DPP6: variants seen among roughly 807,000 people sequenced by gnomAD.
The protein encoded by DPP6 is A-type potassium channel modulatory protein DPP6.
In DPP6, 69 loss-of-function variants were observed where a neutral mutation model predicts 122.6. That is an observed-to-expected ratio of 0.56 (90% confidence interval 0.46 to 0.69). The LOEUF (loss-of-function observed/expected upper bound fraction) is 0.69, where lower values mean the gene tolerates loss of function less well. DPP6 is among the 30% of genes least tolerant of loss of function. The pLI is 0.00. For synonymous variants in DPP6, 418 were observed against 433.1 expected, an observed-to-expected ratio of 0.97 and a Z score of 0.43; for missense variants, 928 against 1,116.9, an observed-to-expected ratio of 0.83 and a Z score of 2.41.
intron 25 of DPP6, chr7:154,891,284 ATG>A (rs1349300893): frequency 1.3e-5 from 2 of 152,164 alleles, no homozygotes; most frequent in Non-Finnish European, 2.9e-5. Flanking sequence ...ACGTGCACAG[ATG>A]GTTCACGGTG....
At chr7:154,032,277 G>A (rs1799283837) in intron 1 of DPP6, among the ~76,000 whole-genome samples, 2 of 152,114 alleles carry the variant, frequency 1.3e-5, no homozygotes, top group Non-Finnish European at 2.9e-5. Flanking sequence ...TGCAGGTGGA[G>A]GTCAGCTGGC....
intron 5 of DPP6, among the ~76,000 whole-genome samples, chr7:154,611,951 T>C (rs1440426933): frequency 6.6e-6 from 1 of 152,144 alleles, no homozygotes; most frequent in Non-Finnish European, 1.5e-5. Context: ...CTGCTGTGGT[T>C]TGAATGTGTT....
chr7:153,848,522 C>G, the DPP6 span, among the ~76,000 whole-genome samples: 2 of 152,156 alleles, frequency 1.3e-5, no homozygotes, highest in African/African-American at 2.4e-5. Flanking sequence ...CTACAGAACA[C>G]TATTGGGAAT....
chr7:153,777,661 C>A, the DPP6 span, among the ~76,000 whole-genome samples: 3 of 112,372 alleles, frequency 2.7e-5, no homozygotes, highest in East Asian at 6.7e-4. Flanking sequence ...CAAATAATGC[C>A]ACTTATAAGA....
chr7:153,874,954 G>A, the DPP6 span, among the ~76,000 whole-genome samples: 3 of 152,100 alleles, frequency 2.0e-5, no homozygotes, highest in Non-Finnish European at 2.9e-5. Flanking sequence ...GAATAGAAAG[G>A]GAACTGTTAC....
intron 8 of DPP6, among the ~76,000 whole-genome samples, chr7:154,745,927 T>C (rs557423264): frequency 1.0e-3 from 158 of 152,060 alleles, no homozygotes; most frequent in Middle Eastern, 6.8e-3. Context: ...ACCTCCAACA[T>C]TGGGGATCAA....
rs541946312 is a variant in DPP6, at chr7:154,224,228, CAGG to C, written c.243+171168_243+171170del. Among the ~76,000 whole-genome samples, 12 of 149,078 alleles carry C rather than the reference CAGG, an allele frequency of 8.0e-5. 3 individuals carry two copies. The highest frequency in any genetic ancestry group is 2.8e-4 in the African/African-American group (11 of 39,076). ...TATGATGTAAAATCCATGTGTGAGCCAGGAGAATAGCTTCAACTTGGAGGCGGA... is the reference window on the plus strand; with the variant it reads ...TATGATGTAAAATCCATGTGTGAGCCAGAATAGCTTCAACTTGGAGGCGGA... On this transcript the variant is annotated intron_variant, in intron 1 of 25. Transcript: ENST00000377770.
chr7:154,458,054 A>T (rs1820951778), intron 2 of DPP6, among the ~76,000 whole-genome samples: 1 of 152,120 alleles, frequency 6.6e-6, no homozygotes, highest in Non-Finnish European at 1.5e-5. Context: ...AGAGGTGGAG[A>T]TGGGAGGGAT....
intron 22 of DPP6, among the ~76,000 whole-genome samples, chr7:154,886,345 G>A (rs1306230814): frequency 1.3e-5 from 2 of 152,226 alleles, no homozygotes; most frequent in Admixed American, 6.5e-5. Context: ...ATGGGGTCAG[G>A]CTGTCAGGGT....
At chr7:153,973,303 A>G (rs1434234185) in intron 1 of DPP6, among the ~76,000 whole-genome samples, 1 of 152,216 alleles carries the variant, frequency 6.6e-6, no homozygotes, top group Non-Finnish European at 1.5e-5. Flanking sequence ...ACGCTGCTGC[A>G]GAATTTTGTG....
At chr7:154,759,461 C>T (rs961232) in intron 8 of DPP6, among the ~76,000 whole-genome samples, 41,948 of 152,138 alleles carry the variant, frequency 0.28, 6,072 homozygotes, top group Non-Finnish European at 0.31. Flanking sequence ...GGCAATAGGA[C>T]GGAAGGGGAC....
the DPP6 span, among the ~76,000 whole-genome samples, chr7:153,786,556 G>GT: frequency 6.6e-6 from 1 of 151,202 alleles, no homozygotes; most frequent in Admixed American, 6.6e-5. Context: ...TGGCTAACAC[G>GT]TGAAACCCCG....
chr7:154,138,556 T>A (rs1427032162), intron 1 of DPP6, among the ~76,000 whole-genome samples: 1 of 152,014 alleles, frequency 6.6e-6, no homozygotes, highest in Non-Finnish European at 1.5e-5. Context: ...ATCAAGATCG[T>A]CACTGGAACT....
chr7:154,701,736 T>A (rs547748610), intron 7 of DPP6, among the ~76,000 whole-genome samples: 1 of 152,324 alleles, frequency 6.6e-6, no homozygotes, highest in South Asian at 2.1e-4. Flanking sequence ...TCTACCTTCA[T>A]TGGGCCAGAA....
chr7:154,660,315 G>A (rs554747883), intron 6 of DPP6, among the ~76,000 whole-genome samples: 7 of 121,864 alleles, frequency 5.7e-5, no homozygotes, highest in East Asian at 5.0e-4. Flanking sequence ...CGTATTGGCC[G>A]TAGTGTTCAC....
At chr7:154,820,915 A>T (rs1292228548) in intron 16 of DPP6, among the ~76,000 whole-genome samples, 2 of 152,250 alleles carry the variant, frequency 1.3e-5, no homozygotes, top group African/African-American at 4.8e-5. Flanking sequence ...TTTAGAAATT[A>T]TATAAGATTA....
rs534499227 is a variant in DPP6, at chr7:154,097,417, G to A, written c.243+44354G>A. Among the ~76,000 whole-genome samples, 14 of 152,348 alleles carry A rather than the reference G, an allele frequency of 9.2e-5. No homozygotes were observed. In the South Asian group the frequency reaches 2.1e-3, roughly 23 times the overall value. On this transcript the variant is annotated intron_variant, in intron 1 of 25. Coordinates refer to ENST00000377770, the MANE Select transcript of DPP6 (RefSeq NM_130797.4). The stretch of plus-strand genomic sequence containing the variant: ...TGCGAGCCCTTTGAGGGCAGGACCC[G>A]TCTGATTCAACGCTATTGCTCCAGC...
At chr7:154,845,528 G>A (rs577447895) in intron 16 of DPP6, among the ~76,000 whole-genome samples, 3 of 152,302 alleles carry the variant, frequency 2.0e-5, no homozygotes, top group African/African-American at 7.2e-5. Flanking sequence ...AGGGGGAAGG[G>A]AGGAGGGATA....
intron 8 of DPP6, among the ~76,000 whole-genome samples, chr7:154,752,695 C>T (rs1211629777): frequency 6.6e-6 from 1 of 152,294 alleles, no homozygotes; most frequent in South Asian, 2.1e-4. Flanking sequence ...GAGGCTGTAG[C>T]TCTGACGTGC....
Sources: gnomAD v4.1 joint callset for allele counts (sites outside exome capture counted in the v4.1 genomes callset) on GRCh38, gnomAD v4.1.1 for gene constraint, MANE v1.5 for transcripts, NCBI Gene and HGNC (gene_info 2026-07-23, HGNC 2026-07-21) for gene names.